The following WNT5A variants were observed in gnomAD, a reference collection of about 807,000 sequenced individuals.
WNT5A encodes the protein Wnt family member 5A.
WNT5A carries 9 observed loss-of-function variants against 42.1 expected under a neutral mutation model. That is an observed-to-expected ratio of 0.21 (90% confidence interval 0.13 to 0.37). The LOEUF is 0.37. WNT5A is among the 10% of genes least tolerant of loss of function. The pLI is 1.00. For missense variants in WNT5A, 426 were observed against 534.0 expected (o/e 0.80, Z 1.99); for synonymous variants, 210 against 210.0 (o/e 1.00, Z 0.00).
At chr3:55,485,738 C>T (rs1383830716) in intron 1 of WNT5A, among the ~76,000 whole-genome samples, 2 of 152,114 alleles carry the variant, frequency 1.3e-5, no homozygotes, top group Non-Finnish European at 2.9e-5. Context: ...GCGAATTACC[C>T]ATTTAAAGAG....
chr3:55,481,423 G>C, intron 1 of WNT5A: 1 of 985,448 alleles, frequency 1.0e-6, no homozygotes, highest in Non-Finnish European at 1.2e-6. Flanking sequence ...GGCTGCCAAG[G>C]AGGCGGGGTG....
chr3:55,486,885 T>G (rs962523931), intron 1 of WNT5A, 95 bp downstream of exon 1: 1 of 878,360 alleles, frequency 1.1e-6, no homozygotes, highest in Non-Finnish European at 1.9e-6. Flanking sequence ...GTTGGGGAAA[T>G]GGAGGGATAG....
chr3:55,489,631 C>G (rs868662013), upstream of WNT5A, among the ~76,000 whole-genome samples: 3 of 152,318 alleles, frequency 2.0e-5, no homozygotes, highest in South Asian at 6.2e-4. Context: ...CTTAGCACCT[C>G]CCGCCTCCCA....
the WNT5A span, among the ~76,000 whole-genome samples, chr3:55,502,509 C>T: frequency 3.9e-5 from 6 of 152,184 alleles, no homozygotes; most frequent in Admixed American, 3.9e-4. Flanking sequence ...ACCAGAACAT[C>T]AACTAGAGTT....
At chr3:55,496,139 C>A in the WNT5A span, among the ~76,000 whole-genome samples, 29 of 126,542 alleles carry the variant, frequency 2.3e-4, no homozygotes, top group African/African-American at 1.0e-3. Flanking sequence ...AATTAAATCC[C>A]AAGTCCTTTT....
rs375650181 is a variant in WNT5A, at chr3:55,483,640, C to A, written c.7-2722G>T. Among the ~76,000 whole-genome samples, 36 of 152,256 alleles carry A rather than the reference C, an allele frequency of 2.4e-4. No homozygotes were observed. The East Asian group carries it at 2.7e-3, about 11-fold the overall frequency. The stretch of plus-strand genomic sequence containing the variant: ...CACTGAGAATCTTCCTCGCGTGCCA[C>A]GGGGAGGAGGACTGGGGGCGTTTGA... On this transcript the variant is annotated intron_variant, in intron 1 of 4. Transcript: ENST00000264634. This position sits in a 1 kb window ranked among gnomAD's most constrained non-coding sequence, Gnocchi z 4.2.
intron 1 of WNT5A, among the ~76,000 whole-genome samples, chr3:55,485,074 C>G (rs949200121): frequency 3.3e-5 from 5 of 152,086 alleles, no homozygotes; most frequent in African/African-American, 1.2e-4. Flanking sequence ...TGGCCCCTTC[C>G]GTATTGCAGC....
chr3:55,471,333 C>T (rs1208941489), intron 4 of WNT5A, among the ~76,000 whole-genome samples: 1 of 152,082 alleles, frequency 6.6e-6, no homozygotes, highest in Non-Finnish European at 1.5e-5. Flanking sequence ...TCCTGTTTCC[C>T]ACACAGTCCC....
Position 55,486,992 on chromosome 3 carries a change from G to A in WNT5A, c.-7C>T, listed in dbSNP as rs376719937. ...ACTGAACACCTACCTTCATGGCGAG[G>A]GGGAGGGGGCGCGGGGAGGAAGTCG... is the stretch of plus-strand genomic sequence containing the variant. On this transcript the variant is annotated 5_prime_UTR_variant, in exon 1 of 5. Coordinates refer to ENST00000264634, the MANE Select transcript of WNT5A (RefSeq NM_003392.7). 8.1e-5 allele frequency: 131 copies of A among 1,611,564 alleles called. No individual in the cohort carries two copies. The highest frequency in any genetic ancestry group is 1.1e-4 in the Non-Finnish European group (126 of 1,178,734).
upstream of WNT5A, chr3:55,488,139 G>A (rs1439478557): frequency 6.5e-6 from 1 of 152,706 alleles, no homozygotes; most frequent in Non-Finnish European, 1.5e-5. Flanking sequence ...CGAGGGGCGG[G>A]AGAGCGGGCC....
chr3:55,504,784 A>G, the WNT5A span, among the ~76,000 whole-genome samples: 3 of 152,190 alleles, frequency 2.0e-5, no homozygotes, highest in Admixed American at 1.3e-4. Context: ...CTTTCAAATA[A>G]GATAAAACAG....
Position 55,474,575 on chromosome 3 carries a change from G to A in WNT5A, c.446C>T (p.Ala149Val). 6.7e-7 allele frequency: 1 copy of A among 1,502,686 alleles called. No homozygotes were observed. The highest frequency in any genetic ancestry group is 2.5e-5 in the East Asian group (1 of 40,598). The allele number at this position is 1,502,686 out of a possible 1,614,324, so 93.1% of individuals were successfully genotyped here. A position where few individuals can be genotyped will look rare whatever the true frequency, so the allele number is the denominator to read the frequency against. ...YAVSAAGVVN[A>V]MSRACREGEL... ...GCCCTCGCGGCACGCCCGGCTCATG[G>A]CGTTCACCACCCCTGCTGCGCTCAC... The change falls in exon 4 of 5, where the codon GCC (alanine) becomes GTC (valine). Residue 149 changes from alanine to valine, a missense_variant. Ala to Val is a moderately conservative substitution (Grantham distance 64). Coordinates refer to ENST00000264634, the MANE Select transcript of WNT5A (RefSeq NM_003392.7).
chr3:55,498,701 G>C, the WNT5A span, among the ~76,000 whole-genome samples: 1 of 152,286 alleles, frequency 6.6e-6, no homozygotes, highest in East Asian at 1.9e-4. Context: ...TAAGGTAGGG[G>C]CATGTGACTC....
chr3:55,472,679 C>T (rs1055927251), intron 4 of WNT5A, among the ~76,000 whole-genome samples: 4 of 152,152 alleles, frequency 2.6e-5, no homozygotes. Context: ...CATGGCAGTA[C>T]AGGCAAAATT....
the WNT5A span, among the ~76,000 whole-genome samples, chr3:55,500,343 C>G: frequency 6.6e-6 from 1 of 152,214 alleles, no homozygotes; most frequent in African/African-American, 2.4e-5. Context: ...ATCTAAAGGG[C>G]TCACAGAATG....
At chr3:55,470,609 T>C in intron 4 of WNT5A, 59 bp from the exon 5 acceptor site, 1 of 1,426,106 alleles carries the variant, frequency 7.0e-7, no homozygotes. Flanking sequence ...ATGCAGGCTA[T>C]AGGAACAAAG....
chr3:55,473,735 G>C (rs1394374084), intron 4 of WNT5A, among the ~76,000 whole-genome samples: 1 of 152,162 alleles, frequency 6.6e-6, no homozygotes, highest in Non-Finnish European at 1.5e-5. Flanking sequence ...ATGACATAAA[G>C]AGAGGCAGGG....
At chr3:55,485,297 A>G (rs1257954419) in intron 1 of WNT5A, among the ~76,000 whole-genome samples, 1 of 151,120 alleles carries the variant, frequency 6.6e-6, no homozygotes, top group African/African-American at 2.4e-5. Flanking sequence ...CGGGGAAGAA[A>G]AGGCCGCGGG....
At position 55,474,630 on chromosome 3, in the gene WNT5A, C is replaced by A; in HGVS notation, c.392-1G>T. ...TATGTGAAGGCCGTCTCGCGGCTGCCTGTGGGTGAGGACAAGGGATCACTG... is the reference window on the plus strand; with the variant it reads ...TATGTGAAGGCCGTCTCGCGGCTGCATGTGGGTGAGGACAAGGGATCACTG... On this transcript the variant is annotated splice_acceptor_variant, in intron 3 of 4. Coordinates refer to ENST00000264634, the MANE Select transcript of WNT5A (RefSeq NM_003392.7). LOFTEE classifies it high-confidence loss of function. 1 of 1,258,472 alleles carries A rather than the reference C, an allele frequency of 7.9e-7. No homozygotes were observed. Among genetic ancestry groups the A allele is most frequent in the East Asian group, 4.4e-5 (1 of 22,798 alleles). The allele number at this position is 1,258,472 out of a possible 1,614,324, so 78.0% of individuals were successfully genotyped here. A position where few individuals can be genotyped will look rare whatever the true frequency, so the allele number is the denominator to read the frequency against.
Sources: allele counts gnomAD v4.1 joint callset (sites outside exome capture counted in the v4.1 genomes callset), GRCh38; gene constraint gnomAD v4.1.1; non-coding constraint Gnocchi (gnomAD v3.1); transcripts MANE v1.5; gene names NCBI Gene and HGNC (gene_info 2026-07-23, HGNC 2026-07-21).